The following FSCN2 variants were observed in gnomAD, a reference collection of about 807,000 sequenced individuals.
FSCN2 encodes the protein fascin-2.
FSCN2 carries 46 observed loss-of-function variants against 37.8 expected under a neutral mutation model. The observed-to-expected ratio is 1.22, with a 90% CI of 0.96 to 1.56. The LOEUF (loss-of-function observed/expected upper bound fraction) is 1.56. Ranked by LOEUF, FSCN2 falls within the 40% of genes most tolerant of loss-of-function variation. The pLI is 0.00. For missense variants in FSCN2, 844 were observed against 730.4 expected (o/e 1.16, Z -1.79); for synonymous variants, 351 against 309.4 (o/e 1.13, Z -1.41).
At position 81,536,236 on chromosome 17, in the gene FSCN2, T is replaced by C; in HGVS notation, c.1074T>C (p.Asn358=). Residue 358 remains asparagine (N), a synonymous_variant, in exon 3 of 5, where the codon AAT becomes AAC. Transcript: ENST00000417245. ...SNGRYVCMKK[N]GQLAAISDFV... is the part of the protein sequence containing the mutation. Reference sequence around the variant, plus strand: ...GGCGCTACGTGTGCATGAAGAAGAATGGGCAGCTGGCGGCTATCAGCGATT... The same window carrying C: ...GGCGCTACGTGTGCATGAAGAAGAACGGGCAGCTGGCGGCTATCAGCGATT... 1 of 1,601,876 alleles carries C rather than the reference T, an allele frequency of 6.2e-7. No homozygotes were observed. Among genetic ancestry groups the C allele is most frequent in the Non-Finnish European group, 8.5e-7 (1 of 1,175,028 alleles).
the FSCN2 span, among the ~76,000 whole-genome samples, chr17:81,518,625 C>T: frequency 1.3e-5 from 2 of 152,202 alleles, no homozygotes; most frequent in African/African-American, 4.8e-5. Context: ...AGCTGGTCAG[C>T]TCCTCCAGCT....
Position 81,528,789 on chromosome 17 carries a change from T to C in FSCN2, c.258T>C (p.Arg86=). Residue 86 remains arginine (R), a synonymous_variant, in exon 1 of 5, where the codon CGT becomes CGC. Coordinates refer to ENST00000417245, the MANE Select transcript of FSCN2 (RefSeq NM_012418.4). ...RVACEAEQPG[R]DCRFLVLPQP... The stretch of plus-strand genomic sequence containing the variant: ...CCTGTGAGGCAGAGCAGCCGGGCCG[T>C]GACTGCCGCTTCCTGGTCCTGCCGC... 6.4e-7 allele frequency: 1 copy of C among 1,566,184 alleles called. No individual in the cohort carries two copies. Among genetic ancestry groups the C allele is most frequent in the South Asian group, 1.2e-5 (1 of 85,566 alleles).
chr17:81,532,623 GTGATGA>G (rs1398758372), intron 1 of FSCN2, among the ~76,000 whole-genome samples: 3 of 143,234 alleles, frequency 2.1e-5, no homozygotes, highest in Non-Finnish European at 4.5e-5. Context: ...GATGATAATG[GTGATGA>G]TGGTGATGGT....
intron 1 of FSCN2, among the ~76,000 whole-genome samples, chr17:81,532,304 AGTGATGGCGATGATG>A (rs2032694400): frequency 2.3e-5 from 1 of 43,294 alleles, no homozygotes; most frequent in Non-Finnish European, 4.3e-5. Context: ...TGATGATGAT[AGTGATGGCGATGATG>A]GTGATGATAG....
intron 1 of FSCN2, among the ~76,000 whole-genome samples, chr17:81,531,273 G>A (rs1451143108): frequency 0.033 from 894 of 27,166 alleles, 22 homozygotes; most frequent in African/African-American, 0.11. Flanking sequence ...GGTGGTGATG[G>A]CGGTGGTGAT....
chr17:81,528,766 T>C lies in FSCN2; in HGVS notation c.235T>C (p.Cys79Arg), dbSNP rs2032437184. ...LSAEEDGRVACEAEQPGRDCR... is the reference protein window; with the variant it reads ...LSAEEDGRVAREAEQPGRDCR... ...GGCAGAAGAGGACGGGCGCGTGGCCTGTGAGGCAGAGCAGCCGGGCCGTGA... is the reference window on the plus strand; with the variant it reads ...GGCAGAAGAGGACGGGCGCGTGGCCCGTGAGGCAGAGCAGCCGGGCCGTGA... Residue 79 changes from cysteine to arginine, a missense_variant, in exon 1 of 5, where the codon TGT becomes CGT. Transcript: ENST00000417245. 3 of 1,578,896 alleles carry C rather than the reference T, an allele frequency of 1.9e-6. No individual in the cohort carries two copies.
At chr17:81,526,006 C>G (rs528478312), upstream of FSCN2, among the ~76,000 whole-genome samples, 1 of 152,224 alleles carries the variant, frequency 6.6e-6, no homozygotes, top group South Asian at 2.1e-4. Context: ...CCCCACCCAA[C>G]GTGGAGCTGT....
chr17:81,524,212 G>C (rs1284042048), upstream of FSCN2, among the ~76,000 whole-genome samples: 1 of 152,236 alleles, frequency 6.6e-6, no homozygotes, highest in Admixed American at 6.5e-5. Context: ...CCCGCACTGA[G>C]AGGGATGGAG....
intron 1 of FSCN2, among the ~76,000 whole-genome samples, chr17:81,531,357 A>ATGATGGTGGTGGTGATGGTGGTGATGG (rs2032570591): frequency 1.1e-5 from 1 of 94,132 alleles, no homozygotes; most frequent in African/African-American, 4.9e-5. Context: ...GATGATGGTG[A>ATGATGGTGGTGGTGATGGTGGTGATGG]TGGTGATGAT....
At chr17:81,519,822 A>G in the FSCN2 span, among the ~76,000 whole-genome samples, 2 of 152,176 alleles carry the variant, frequency 1.3e-5, no homozygotes, top group African/African-American at 4.8e-5. Context: ...GCGACCGAGG[A>G]CAGGAGGCAC....
chr17:81,530,234 G>A (rs991354827), intron 1 of FSCN2: 15 of 275,762 alleles, frequency 5.4e-5, no homozygotes, highest in East Asian at 4.6e-4. Flanking sequence ...GGAGTGGGGG[G>A]GCTTAAGGTC....
At chr17:81,519,300 C>T in the FSCN2 span, among the ~76,000 whole-genome samples, 1 of 152,144 alleles carries the variant, frequency 6.6e-6, no homozygotes, top group African/African-American at 2.4e-5. Flanking sequence ...CGGGCCTGGG[C>T]CTCAGCTCCG....
At position 81,529,011 on chromosome 17, in the gene FSCN2, G is replaced by C. The variant is rs782686169; in HGVS notation, c.480G>C (p.Glu160Asp). The C allele has an allele frequency of 6.3e-6, 10 of 1,585,056 alleles. No individual in the cohort carries two copies. Among genetic ancestry groups the C allele is most frequent in the Non-Finnish European group, 1.7e-6 (2 of 1,170,436 alleles). ...RYVHLCPRED[E>D]MAADGDKPWG... is the part of the protein sequence containing the mutation. The stretch of plus-strand genomic sequence containing the variant: ...TGCACCTGTGCCCGCGGGAGGACGA[G>C]ATGGCCGCAGACGGAGACAAGCCCT... The change falls in exon 1 of 5, where the codon GAG (glutamate) becomes GAC (aspartate). Residue 160 changes from glutamate to aspartate, a missense_variant. Glu to Asp is a conservative substitution (Grantham distance 45). Transcript: ENST00000417245.
At chr17:81,530,176 C>T (rs367621202) in intron 1 of FSCN2, 28 of 282,640 alleles carry the variant, frequency 9.9e-5, no homozygotes, top group African/African-American at 2.3e-4. Context: ...GGGGATCGGG[C>T]GGGGATAGCA....
chr17:81,525,216 A>C (rs2032314806), upstream of FSCN2, among the ~76,000 whole-genome samples: 1 of 150,322 alleles, frequency 6.7e-6, no homozygotes, highest in African/African-American at 2.5e-5. Flanking sequence ...ACCTGAGGTC[A>C]GGTGTTTGAG....
the FSCN2 span, among the ~76,000 whole-genome samples, chr17:81,522,241 G>A: frequency 2.0e-5 from 3 of 152,170 alleles, no homozygotes; most frequent in South Asian, 4.1e-4. Flanking sequence ...TCCTGACCTC[G>A]TGATCCGCCT....
chr17:81,533,544 G>A (rs1176249132), intron 1 of FSCN2, among the ~76,000 whole-genome samples: 1 of 152,220 alleles, frequency 6.6e-6, no homozygotes, highest in Non-Finnish European at 1.5e-5. Flanking sequence ...CTCACATCCA[G>A]GCAGGACAAA....
chr17:81,520,198 C>T, the FSCN2 span, among the ~76,000 whole-genome samples: 1 of 152,068 alleles, frequency 6.6e-6, no homozygotes, highest in South Asian at 2.1e-4. Flanking sequence ...AGTGCCACAC[C>T]AGGGCGGTCA....
At chr17:81,522,392 A>G in the FSCN2 span, among the ~76,000 whole-genome samples, 4 of 152,236 alleles carry the variant, frequency 2.6e-5, no homozygotes, top group East Asian at 3.8e-4. Context: ...ACTTGAATGC[A>G]TGGAGCTGAG....
Sources: allele counts gnomAD v4.1 joint callset (sites outside exome capture counted in the v4.1 genomes callset), GRCh38; gene constraint gnomAD v4.1.1; transcripts MANE v1.5; gene names NCBI Gene and HGNC (gene_info 2026-07-23, HGNC 2026-07-21).